The following SFMBT1 variants were observed in gnomAD, a reference collection of about 807,000 sequenced individuals.
The protein encoded by SFMBT1 is Scm like with four mbt domains 1, also known as scm-like with four MBT domains protein 1.
SFMBT1 carries 32 observed loss-of-function variants against 108.7 expected under a neutral mutation model. That is an observed-to-expected ratio of 0.29 (90% CI 0.22 to 0.40). The LOEUF (loss-of-function observed/expected upper bound fraction) is 0.40. SFMBT1 is among the 10% of genes least tolerant of loss of function. The pLI, the probability that SFMBT1 is intolerant of heterozygous loss-of-function variation, is 1.00. For missense variants in SFMBT1, 816 were observed against 1,059.6 expected, an observed-to-expected ratio of 0.77 and a Z score of 3.19; for synonymous variants, 348 against 369.5, an observed-to-expected ratio of 0.94 and a Z score of 0.67.
At chr3:53,039,812 C>CT (rs996371974) in intron 1 of SFMBT1, among the ~76,000 whole-genome samples, 5 of 151,366 alleles carry the variant, frequency 3.3e-5, no homozygotes, top group Non-Finnish European at 5.9e-5. Context: ...TTTTGGTATA[C>CT]TTTTTTTTTA....
At chr3:52,959,754 T>C (rs1268421712) in intron 2 of SFMBT1, among the ~76,000 whole-genome samples, 2 of 152,186 alleles carry the variant, frequency 1.3e-5, no homozygotes, top group African/African-American at 4.8e-5. Flanking sequence ...GCCACCTAGA[T>C]TCTTACAATA....
Position 52,952,921 on chromosome 3 carries a change from T to C in SFMBT1, c.123+1396A>G, listed in dbSNP as rs941315557. On this transcript the variant is annotated intron_variant, in intron 3 of 20. Coordinates refer to ENST00000394752, the MANE Select transcript of SFMBT1 (RefSeq NM_016329.4). The stretch of plus-strand genomic sequence containing the variant: ...AGAGACACCACAGAACTCTTACTGT[T>C]TCTACCATGTGAAGACACAGCAAGG... 2.0e-5 allele frequency among the ~76,000 whole-genome samples: 3 copies of C among 152,164 alleles called. No homozygotes were observed. In the South Asian group the frequency reaches 6.2e-4, roughly 32 times the overall value.
chr3:52,976,977 T>C (rs1313965233), intron 1 of SFMBT1, among the ~76,000 whole-genome samples: 1 of 152,222 alleles, frequency 6.6e-6, no homozygotes, highest in Non-Finnish European at 1.5e-5. Context: ...CAAATGGATA[T>C]AGCCCTTTTA....
chr3:52,988,413 C>A (rs951079541), intron 1 of SFMBT1, among the ~76,000 whole-genome samples: 1 of 152,108 alleles, frequency 6.6e-6, no homozygotes, highest in Non-Finnish European at 1.5e-5. Context: ...ACAGGTCAGT[C>A]CCTCAAGAAC....
At chr3:52,916,259 T>C in intron 13 of SFMBT1, 45 bp from the exon 14 acceptor site, 1 of 1,559,030 alleles carries the variant, frequency 6.4e-7, no homozygotes, top group African/African-American at 1.4e-5. Context: ...ATTCTTAAGA[T>C]CAGTAAAGTG....
chr3:52,940,816 C>T (rs182940989), intron 4 of SFMBT1, among the ~76,000 whole-genome samples: 24 of 152,186 alleles, frequency 1.6e-4, no homozygotes, highest in Admixed American at 1.2e-3. Flanking sequence ...TTGGCATATA[C>T]GAACCTAATC....
chr3:52,981,099 T>G (rs1704695078), intron 1 of SFMBT1, among the ~76,000 whole-genome samples: 1 of 150,660 alleles, frequency 6.6e-6, no homozygotes, highest in African/African-American at 2.4e-5. Flanking sequence ...GAGGCAGAGA[T>G]TGCAGTGAGC....
intron 4 of SFMBT1, among the ~76,000 whole-genome samples, chr3:52,941,463 G>A (rs1335494287): frequency 4.6e-5 from 7 of 151,710 alleles, no homozygotes; most frequent in Admixed American, 1.3e-4. Flanking sequence ...GTGTGGTGGC[G>A]GGTGCCTGTA....
Position 52,934,908 on chromosome 3 carries a change from G to A in SFMBT1, c.365-7C>T. ...GATACTTTATCTCTGATGCCTAGAT[G>A]AGGGAATAAATGACTGATTACTCAA... On this transcript the variant is annotated splice_polypyrimidine_tract_variant and splice_region_variant and intron_variant, in intron 4 of 20. Coordinates refer to ENST00000394752, the MANE Select transcript of SFMBT1 (RefSeq NM_016329.4). The A allele has an allele frequency of 6.2e-7, 1 of 1,609,618 alleles. No individual in the cohort carries two copies. Among genetic ancestry groups the A allele is most frequent in the Non-Finnish European group, 8.5e-7 (1 of 1,177,476 alleles).
intron 8 of SFMBT1, among the ~76,000 whole-genome samples, chr3:52,928,878 T>A (rs1702771577): frequency 1.3e-5 from 2 of 151,516 alleles, no homozygotes; most frequent in Non-Finnish European, 2.9e-5. Context: ...TAATTTTTTT[T>A]AATTTTTGTA....
At chr3:52,949,354 T>A (rs1648439747) in intron 3 of SFMBT1, among the ~76,000 whole-genome samples, 1 of 152,132 alleles carries the variant, frequency 6.6e-6, no homozygotes, top group Non-Finnish European at 1.5e-5. Context: ...AGCTCAACAA[T>A]GTCCTTACTA....
In SFMBT1 at chr3:52,913,569, C is replaced by T. The variant is rs750697192; in HGVS notation, c.1529G>A (p.Arg510His). 5.6e-6 allele frequency: 9 copies of T among 1,613,966 alleles called. No individual in the cohort carries two copies. Among genetic ancestry groups the T allele is most frequent in the African/African-American group, 4.0e-5 (3 of 74,880 alleles). ...GTTAAGATATGGCCCTGAGAAGCAA[C>T]GGTGGTTGAAGTATATCTTTGGACA... ...YCCPKIYFNH[R>H]CFSGPYLNKG... is the part of the protein sequence containing the mutation. The change falls in exon 15 of 21, where the codon CGT becomes CAT. Residue 510 changes from arginine (R) to histidine (H), a missense_variant. By Grantham distance (29) the Arg-to-His change is conservative. Coordinates refer to ENST00000394752, the MANE Select transcript of SFMBT1 (RefSeq NM_016329.4).
intron 19 of SFMBT1, 115 bp from the exon 20 acceptor site, chr3:52,906,356 C>T: frequency 1.3e-6 from 2 of 1,496,970 alleles, no homozygotes; most frequent in South Asian, 1.2e-5. Flanking sequence ...GGTCTTAGGA[C>T]ATGATTTCTC....
At chr3:53,024,260 A>G (rs908997602) in intron 1 of SFMBT1, among the ~76,000 whole-genome samples, 10 of 151,788 alleles carry the variant, frequency 6.6e-5, no homozygotes, top group Non-Finnish European at 1.0e-4. Context: ...CTGTTCTATG[A>G]AATTTTAGAT....
At chr3:52,946,454 T>G (rs1204386712) in intron 3 of SFMBT1, among the ~76,000 whole-genome samples, 1 of 152,242 alleles carries the variant, frequency 6.6e-6, no homozygotes, top group Non-Finnish European at 1.5e-5. Context: ...ATTTTTTGAG[T>G]GGAGCTTCTC....
intron 2 of SFMBT1, among the ~76,000 whole-genome samples, chr3:52,955,785 T>G (rs1703758944): frequency 6.6e-6 from 1 of 150,382 alleles, no homozygotes; most frequent in African/African-American, 2.5e-5. Context: ...CAAAGAAGAG[T>G]TGGTATCATT....
chr3:52,910,794 G>T (rs190503870), intron 17 of SFMBT1, among the ~76,000 whole-genome samples: 19 of 152,204 alleles, frequency 1.2e-4, no homozygotes, highest in Admixed American at 4.6e-4. Flanking sequence ...CGGCCAAAAG[G>T]GTTCTTAAAA....
chr3:52,930,866 A>T (rs1043247457), intron 7 of SFMBT1, 75 bp downstream of exon 7: 12 of 1,255,676 alleles, frequency 9.6e-6, no homozygotes, highest in Non-Finnish European at 1.4e-5. Flanking sequence ...GGGCTGCTTT[A>T]CACTTTCACC....
intron 14 of SFMBT1, among the ~76,000 whole-genome samples, chr3:52,915,511 C>A (rs1702323842): frequency 6.6e-6 from 1 of 152,202 alleles, no homozygotes; most frequent in South Asian, 2.1e-4. Context: ...TCTCTCTGAG[C>A]TTCGATTTCT....
Sources: allele counts gnomAD v4.1 joint callset (sites outside exome capture counted in the v4.1 genomes callset), GRCh38; gene constraint gnomAD v4.1.1; transcripts MANE v1.5; gene names NCBI Gene and HGNC (gene_info 2026-07-23, HGNC 2026-07-21).